Variants in SH2B1 observed in about 807,000 individuals in gnomAD.
SH2B1 encodes the protein SH2B adaptor protein 1.
Under a neutral mutation model 62.6 loss-of-function variants are expected in SH2B1, and 15 were observed. That is an observed-to-expected ratio of 0.24 (90% CI 0.16 to 0.37). The LOEUF (loss-of-function observed/expected upper bound fraction) is 0.37. SH2B1 is among the 10% of genes least tolerant of loss of function. The pLI, the probability that SH2B1 is intolerant of heterozygous loss-of-function variation, is 1.00. For synonymous variants in SH2B1, 443 were observed against 438.0 expected, an observed-to-expected ratio of 1.01 and a Z score of -0.14; for missense variants, 925 against 1,015.6, an observed-to-expected ratio of 0.91 and a Z score of 1.21.
intron 1 of SH2B1, among the ~76,000 whole-genome samples, chr16:28,852,582 A>ATACACATATATT (rs1962165814): frequency 4.6e-5 from 3 of 64,526 alleles, no homozygotes; most frequent in African/African-American, 2.3e-4. Flanking sequence ...ATATATATTT[A>ATACACATATATT]TATATATACA....
Position 28,864,938 on chromosome 16 carries a change from C to A in SH2B1, c.-1157C>A. 1 of 305,920 alleles carries A rather than the reference C, an allele frequency of 3.3e-6. No individual in the cohort carries two copies. Among genetic ancestry groups the A allele is most frequent in the Non-Finnish European group, 4.8e-6 (1 of 208,606 alleles). The allele number at this position is 305,920 out of a possible 1,614,324, so 19.0% of individuals were successfully genotyped here. ...ACATTTCGAGGGGAGGGATCATTAGCTTTGTTTAACAGATAGAAAAACGGA... is the reference window on the plus strand; with the variant it reads ...ACATTTCGAGGGGAGGGATCATTAGATTTGTTTAACAGATAGAAAAACGGA... On this transcript the variant is annotated 5_prime_UTR_variant, in exon 1 of 8. Transcript: ENST00000684370.
In SH2B1 at chr16:28,864,098, G is replaced by T. The variant is rs1425418545; in HGVS notation, c.-1997G>T. 10 of 1,259,404 alleles carry T rather than the reference G, an allele frequency of 7.9e-6. No individual in the cohort carries two copies. In the Admixed American group the frequency reaches 3.4e-4, roughly 42 times the overall value. 78.0% of individuals were successfully genotyped at this position (1,259,404 alleles called of 1,614,324 possible). A position where few individuals can be genotyped will look rare whatever the true frequency, so the allele number is the denominator to read the frequency against. The stretch of plus-strand genomic sequence containing the variant: ...CCGGAGAGTGCAGCAGACAGGGCTG[G>T]TCCCGAGGTGGATGCGGCCCCGGAA... On this transcript the variant is annotated 5_prime_UTR_variant, in exon 1 of 8. Transcript: ENST00000684370.
chr16:28,863,620 C>G (rs897334646), upstream of SH2B1: 12 of 1,473,234 alleles, frequency 8.1e-6, no homozygotes, highest in African/African-American at 1.4e-5. Context: ...GGAGGACGCT[C>G]TGGTGGGATC....
At position 28,864,138 on chromosome 16, in the gene SH2B1, G is replaced by T; in HGVS notation, c.-1957G>T. 8.4e-7 allele frequency: 1 copy of T among 1,189,942 alleles called. No individual in the cohort carries two copies. The highest frequency in any genetic ancestry group is 1.9e-5 in the South Asian group (1 of 52,426). The allele number at this position is 1,189,942 out of a possible 1,614,324, so 73.7% of individuals were successfully genotyped here. ...CGGCCCCGGAAAATGGGCGGCTGGG[G>T]GGTGTCCAGGGAGTAGGGTCGGATC... is the stretch of plus-strand genomic sequence containing the variant. On this transcript the variant is annotated 5_prime_UTR_variant, in exon 1 of 8. Transcript: ENST00000684370.
rs1230501944 is a variant in SH2B1, at chr16:28,865,661, T to C, written c.-434T>C. On this transcript the variant is annotated 5_prime_UTR_variant, in exon 1 of 8. The change abolishes an upstream ATG in the 5' untranslated region. Transcript: ENST00000684370. ...AAGTGGGAGCCTCTAGAATGGCTCA[T>C]GGGAAGTGTGACATGAATATTGGAG... 2 of 994,208 alleles carry C rather than the reference T, an allele frequency of 2.0e-6. No homozygotes were observed. The highest frequency in any genetic ancestry group is 2.4e-6 in the Non-Finnish European group (2 of 836,416). 61.6% of individuals were successfully genotyped at this position (994,208 alleles called of 1,614,324 possible). A position where few individuals can be genotyped will look rare whatever the true frequency, so the allele number is the denominator to read the frequency against.
chr16:28,866,065 G>A lies in SH2B1; in HGVS notation c.-30G>A, dbSNP rs779983048. 5.4e-5 allele frequency: 81 copies of A among 1,513,022 alleles called. No individual in the cohort carries two copies. The highest frequency in any genetic ancestry group is 6.9e-5 in the Non-Finnish European group (79 of 1,138,400). 93.7% of individuals were successfully genotyped at this position (1,513,022 alleles called of 1,614,324 possible). A position where few individuals can be genotyped will look rare whatever the true frequency, so the allele number is the denominator to read the frequency against. On this transcript the variant is annotated 5_prime_UTR_variant, in exon 1 of 8. Coordinates refer to ENST00000684370, the MANE Select transcript of SH2B1 (RefSeq NM_001387430.1). The surrounding 1 kb of genome is among the most constrained non-coding windows in gnomAD (Gnocchi z 6.3). Reference sequence around the variant, plus strand: ...CTGCCTCCCTCTTTGTGCCCCACAGGCTCCCCCTCTCCACCTCCTGGGGCC... The same window carrying A: ...CTGCCTCCCTCTTTGTGCCCCACAGACTCCCCCTCTCCACCTCCTGGGGCC...
rs1027714272 is a variant in SH2B1, at chr16:28,872,922, C to T, written c.1897+217C>T. On this transcript the variant is annotated intron_variant, in intron 7 of 7. Coordinates refer to ENST00000684370, the MANE Select transcript of SH2B1 (RefSeq NM_001387430.1). This position sits in a 1 kb window ranked among gnomAD's most constrained non-coding sequence, Gnocchi z 5.3. Reference sequence around the variant, plus strand: ...AGAAGGCTCCTGGCCGGAGCCGGGGCGGCAGCTGAGAGGTGGGCGGGCGCA... The same window carrying T: ...AGAAGGCTCCTGGCCGGAGCCGGGGTGGCAGCTGAGAGGTGGGCGGGCGCA... 6 of 698,776 alleles carry T rather than the reference C, an allele frequency of 8.6e-6. No individual in the cohort carries two copies. The highest frequency in any genetic ancestry group is 2.7e-5 in the East Asian group (1 of 37,010). The allele number at this position is 698,776 out of a possible 1,614,324, so 43.3% of individuals were successfully genotyped here.
rs912740502 is a variant in SH2B1, at chr16:28,864,438, T to A, written c.-1657T>A. The A allele has an allele frequency of 4.1e-6, 4 of 986,454 alleles. No homozygotes were observed. The East Asian group carries it at 3.3e-4, about 83-fold the overall frequency. 61.1% of individuals were successfully genotyped at this position (986,454 alleles called of 1,614,324 possible). ...CGCTGGCTGGAGATTGGTTTGCACT[T>A]CTTGGCTGGGTTCCCCCGTGCTCCA... On this transcript the variant is annotated 5_prime_UTR_variant, in exon 1 of 8. Transcript: ENST00000684370.
rs1458442508 is a variant in SH2B1 at position 28,865,694 on chromosome 16, T to C, written c.-401T>C. 8.9e-6 allele frequency: 9 copies of C among 1,010,068 alleles called. No individual in the cohort carries two copies. Among genetic ancestry groups the C allele is most frequent in the African/African-American group, 5.2e-5 (3 of 58,040 alleles). The allele number at this position is 1,010,068 out of a possible 1,614,324, so 62.6% of individuals were successfully genotyped here. On this transcript the variant is annotated 5_prime_UTR_variant, in exon 1 of 8. An upstream start codon of the reference 5' UTR is lost. Transcript: ENST00000684370. ...GTGACATGAATATTGGAGGATCCGA[T>C]GTAGAGGGGGGGTGATCTGGAAAAG...
chr16:28,859,397 C>G (rs1962388600), upstream of SH2B1, among the ~76,000 whole-genome samples: 1 of 152,168 alleles, frequency 6.6e-6, no homozygotes, highest in Non-Finnish European at 1.5e-5. Flanking sequence ...CAAAAGATCA[C>G]TGGGCGATGA....
intron 1 of SH2B1, among the ~76,000 whole-genome samples, chr16:28,853,093 CATAT>C (rs1377344686): frequency 1.9e-5 from 2 of 104,506 alleles, no homozygotes; most frequent in South Asian, 2.7e-4. Flanking sequence ...TATATTTATA[CATAT>C]ATATTTATAT....
chr16:28,848,040 G>A (rs1276704194), intron 1 of SH2B1, among the ~76,000 whole-genome samples: 5 of 151,720 alleles, frequency 3.3e-5, no homozygotes, highest in African/African-American at 7.3e-5. Context: ...TGGCCAGACG[G>A]CTCTCGAACT....
Position 28,852,473 on chromosome 16 carries a change from T to TAC in SH2B1, c.-301+5647_-301+5648insCA, listed in dbSNP as rs1228199199. 1.8e-4 allele frequency among the ~76,000 whole-genome samples: 14 copies of TAC among 77,212 alleles called. 4 individuals are homozygous for TAC. The highest frequency in any genetic ancestry group is 2.6e-4 in the Non-Finnish European group (12 of 46,332). 50.7% of individuals were successfully genotyped at this position (77,212 alleles called of 152,430 possible). On this transcript the variant is annotated intron_variant, in intron 1 of 10. Coordinates refer to the SH2B1 transcript ENST00000322610. ...TTACATATATATTTATATATATACATATATATTTATATATACATACATATA... is the reference window on the plus strand; with the variant it reads ...TTACATATATATTTATATATATACATACATATATTTATATATACATACATATA...
At chr16:28,851,171 T>C (rs1962090245) in intron 1 of SH2B1, among the ~76,000 whole-genome samples, 1 of 74,790 alleles carries the variant, frequency 1.3e-5, no homozygotes, top group Admixed American at 1.5e-4. Flanking sequence ...AGACTCTGTC[T>C]CAAAAAGAAA....
In SH2B1 at chr16:28,864,141, T is replaced by A; in HGVS notation, c.-1954T>A. 1 of 1,175,666 alleles carries A rather than the reference T, an allele frequency of 8.5e-7. No homozygotes were observed. The allele number at this position is 1,175,666 out of a possible 1,614,324, so 72.8% of individuals were successfully genotyped here. On this transcript the variant is annotated 5_prime_UTR_variant, in exon 1 of 8. Coordinates refer to ENST00000684370, the MANE Select transcript of SH2B1 (RefSeq NM_001387430.1). ...CCCCGGAAAATGGGCGGCTGGGGGG[T>A]GTCCAGGGAGTAGGGTCGGATCGGA...
Position 28,873,324 on chromosome 16 carries a change from G to C in SH2B1, c.1898-123G>C. ...CATGATCCATCTTCCATGGATGGGGGGTTGCTCAGGAGATGGGATGTGGGG... is the reference window on the plus strand; with the variant it reads ...CATGATCCATCTTCCATGGATGGGGCGTTGCTCAGGAGATGGGATGTGGGG... On this transcript the variant is annotated intron_variant, in intron 7 of 7. Transcript: ENST00000684370. This position sits in a 1 kb window ranked among gnomAD's most constrained non-coding sequence, Gnocchi z 4.2. The C allele has an allele frequency of 6.3e-7, 1 of 1,591,926 alleles. No individual in the cohort carries two copies. Among genetic ancestry groups the C allele is most frequent in the South Asian group, 1.1e-5 (1 of 89,940 alleles).
In SH2B1 at chr16:28,866,094, C is replaced by T. The variant is rs1281444846; in HGVS notation, c.-1C>T. 2 of 1,556,484 alleles carry T rather than the reference C, an allele frequency of 1.3e-6. No homozygotes were observed. The highest frequency in any genetic ancestry group is 2.3e-5 in the East Asian group (1 of 44,380). On this transcript the variant is annotated 5_prime_UTR_variant, in exon 1 of 8. Coordinates refer to ENST00000684370, the MANE Select transcript of SH2B1 (RefSeq NM_001387430.1). The surrounding 1 kb of genome is among the most constrained non-coding windows in gnomAD (Gnocchi z 6.3). ...CCCCTCTCCACCTCCTGGGGCCCAT[C>T]ATGAATGGTGCCCCTTCCCCAGAGG...
rs1962704926 is a variant in SH2B1, at chr16:28,866,460, T to C, written c.366T>C (p.Pro122=). ...GTGGGCCCCTGGCTGTGCTGGGCCCTTCTCGATCATCTGAGGACCTGGCCG... is the reference window on the plus strand; with the variant it reads ...GTGGGCCCCTGGCTGTGCTGGGCCCCTCTCGATCATCTGAGGACCTGGCCG... ...RVGGPLAVLG[P]SRSSEDLAGP... is the part of the protein sequence containing the mutation. Residue 122 remains proline, a synonymous_variant, in exon 1 of 8, where the codon CCT becomes CCC. Coordinates refer to ENST00000684370, the MANE Select transcript of SH2B1 (RefSeq NM_001387430.1). This position sits in a 1 kb window ranked among gnomAD's most constrained non-coding sequence, Gnocchi z 6.3. The C allele has an allele frequency of 3.1e-6, 5 of 1,613,904 alleles. No homozygotes were observed. The East Asian group carries it at 1.1e-4, about 36-fold the overall frequency.
intron 1 of SH2B1, among the ~76,000 whole-genome samples, chr16:28,850,864 A>G (rs1962081820): frequency 7.3e-6 from 1 of 137,086 alleles, no homozygotes; most frequent in African/African-American, 3.0e-5. Flanking sequence ...CTCCATCTGA[A>G]AAAAAAAAAA....
Sources: allele counts gnomAD v4.1 joint callset (sites outside exome capture counted in the v4.1 genomes callset), GRCh38; gene constraint gnomAD v4.1.1; non-coding constraint Gnocchi (gnomAD v3.1); transcripts MANE v1.5; gene names NCBI Gene and HGNC (gene_info 2026-07-23, HGNC 2026-07-21).